The following TNRC18 variants were observed in gnomAD, a reference collection of about 807,000 sequenced individuals.
TNRC18 encodes the protein trinucleotide repeat containing 18.
A neutral mutation model predicts 226.7 loss-of-function variants in TNRC18; 69 were observed. The ratio of observed to expected loss-of-function variants is 0.30; its 90% confidence interval spans 0.25 to 0.37. TNRC18 has a LOEUF of 0.37. TNRC18 is among the 10% of genes least tolerant of loss of function. The probability of loss-of-function intolerance (pLI) is 1.00; values close to 1 mark genes in which losing one functional copy is unlikely to be tolerated. For missense variants in TNRC18, 4,754 were observed against 4,256.6 expected, an observed-to-expected ratio of 1.12 and a Z score of -3.25; for synonymous variants, 2,449 against 1,927.6, an observed-to-expected ratio of 1.27 and a Z score of -7.09.
rs1429147397 is a variant in TNRC18 at position 5,361,470 on chromosome 7, C to A, written c.4661+124G>T. ...CCGTGCTCCCCGAGGGCCACTGCTG[C>A]GGGTAGGTCAGAGCCCGAGGGACGC... On this transcript the variant is annotated intron_variant, in intron 14 of 29. Transcript: ENST00000430969. 5 of 1,210,904 alleles carry A rather than the reference C, an allele frequency of 4.1e-6. No individual in the cohort carries two copies. In the South Asian group the frequency reaches 6.7e-5, roughly 16 times the overall value. The allele number at this position is 1,210,904 out of a possible 1,614,324, so 75.0% of individuals were successfully genotyped here.
Position 5,388,822 on chromosome 7 carries a change from C to A in TNRC18, c.1002G>T (p.Pro334=). Residue 334 remains proline (P), a synonymous_variant, in exon 5 of 30, where the codon CCG becomes CCT. Coordinates refer to ENST00000430969, the MANE Select transcript of TNRC18 (RefSeq NM_001080495.3). ...LLPGPRPCPS[P]LPPPPAPPKG... is the part of the protein sequence containing the mutation. ...TGGGGGGCGCGGGCGGCGGGGGCAG[C>A]GGTGAGGGGCAGGGGCGCGGCCCAG... 1 of 1,186,432 alleles carries A rather than the reference C, an allele frequency of 8.4e-7. No homozygotes were observed. Among genetic ancestry groups the A allele is most frequent in the Non-Finnish European group, 1.0e-6 (1 of 957,906 alleles). The allele number at this position is 1,186,432 out of a possible 1,614,324, so 73.5% of individuals were successfully genotyped here.
Position 5,371,285 on chromosome 7 carries a change from G to A in TNRC18, c.3309C>T (p.Ala1103=), listed in dbSNP as rs10215902. ...GGGCCAAGCCGTCCGCGTCGGCGGCGGCCGTGGGCTGCAGCAGGAAAGGGT... is the reference window on the plus strand; with the variant it reads ...GGGCCAAGCCGTCCGCGTCGGCGGCAGCCGTGGGCTGCAGCAGGAAAGGGT... ...RPYPFLLQPT[A]AADADGLAPD... is the part of the protein sequence containing the mutation. Residue 1103 remains alanine (A), a synonymous_variant, in exon 11 of 30, where the codon GCC becomes GCT. Transcript: ENST00000430969. 4.6e-5 allele frequency: 73 copies of A among 1,578,944 alleles called. No homozygotes were observed. The highest frequency in any genetic ancestry group is 9.0e-5 in the East Asian group (4 of 44,394).
intron 18 of TNRC18, among the ~76,000 whole-genome samples, chr7:5,342,480 T>G (rs1790785442): frequency 6.6e-6 from 1 of 150,400 alleles, no homozygotes; most frequent in South Asian, 2.1e-4. Context: ...CGCGGACAAC[T>G]ATGAAAGGCT....
intron 2 of TNRC18, among the ~76,000 whole-genome samples, chr7:5,419,368 G>A (rs186724111): frequency 6.6e-6 from 1 of 152,200 alleles, no homozygotes; most frequent in Non-Finnish European, 1.5e-5. Context: ...CGCAGGCCCA[G>A]CCAGCCAGAG....
At chr7:5,398,121 C>T (rs980677279) in intron 2 of TNRC18, among the ~76,000 whole-genome samples, 4 of 152,048 alleles carry the variant, frequency 2.6e-5, no homozygotes, top group African/African-American at 9.7e-5. Context: ...CAGCCTCAGC[C>T]TCTTGGGTAG....
At chr7:5,330,158 C>A (rs1455000853) in intron 19 of TNRC18, among the ~76,000 whole-genome samples, 1 of 152,158 alleles carries the variant, frequency 6.6e-6, no homozygotes, top group Non-Finnish European at 1.5e-5. Context: ...TCTTGAACTC[C>A]TGACCTCAGG....
In TNRC18 at chr7:5,312,749, GGCCGAGGGCCGC is replaced by G. The variant is rs1787357876; in HGVS notation, c.8130_8141del (p.Arg2711_Ala2714del). 6.5e-7 allele frequency: 1 copy of G among 1,536,940 alleles called. No homozygotes were observed. Among genetic ancestry groups the G allele is most frequent in the Non-Finnish European group, 8.7e-7 (1 of 1,147,812 alleles). ...CGGGCGTCTTCTTGCCTGGGGAGTG[GGCCGAGGGCCGC>G]GCCTTGCCGGCCTGCTTGGTGGCCT... On this transcript the variant is annotated inframe_deletion, in exon 27 of 30. Coordinates refer to ENST00000430969, the MANE Select transcript of TNRC18 (RefSeq NM_001080495.3). The surrounding 1 kb of genome is among the most constrained non-coding windows in gnomAD (Gnocchi z 6.3).
chr7:5,362,134 T>G (rs1365894803), intron 12 of TNRC18, 101 bp from the exon 13 acceptor site: 1 of 1,433,172 alleles, frequency 7.0e-7, no homozygotes, highest in East Asian at 2.3e-5. Context: ...GAGACTGCAC[T>G]GGGAGCTGGG....
intron 18 of TNRC18, among the ~76,000 whole-genome samples, chr7:5,344,287 G>A (rs181999206): frequency 1.8e-3 from 279 of 152,280 alleles, no homozygotes; most frequent in African/African-American, 5.8e-3. Context: ...AGAGGGCAGC[G>A]GGAAGCCATT....
At position 5,390,632 on chromosome 7, in the gene TNRC18, T is replaced by C. The variant is rs752293689; in HGVS notation, c.344-4A>G. Reference sequence around the variant, plus strand: ...CCACTGGGCAGGTGGGAGAAGCCTGTAACAGAAAAGAGAAAAGCTGGGCTG... The same window carrying C: ...CCACTGGGCAGGTGGGAGAAGCCTGCAACAGAAAAGAGAAAAGCTGGGCTG... On this transcript the variant is annotated splice_region_variant and splice_polypyrimidine_tract_variant and intron_variant, in intron 3 of 29. Transcript: ENST00000430969. The C allele has an allele frequency of 7.1e-6, 11 of 1,545,718 alleles. No homozygotes were observed. The highest frequency in any genetic ancestry group is 1.8e-4 in the Middle Eastern group (1 of 5,508).
Position 5,388,083 on chromosome 7 carries a change from C to G in TNRC18, c.1741G>C (p.Glu581Gln). 2.6e-6 allele frequency: 4 copies of G among 1,555,006 alleles called. No individual in the cohort carries two copies. The South Asian group carries it at 3.5e-5, about 14-fold the overall frequency. ...ATAAGGCTCTGCATGGCCGAGGCCT[C>G]TCCAGACCCGTGGGCCGCAGAGTGC... is the stretch of plus-strand genomic sequence containing the variant. ...DMHSAAHGSG[E>Q]ASAMQSLIKY... The change falls in exon 5 of 30, where the codon GAG becomes CAG. Residue 581 changes from glutamate to glutamine, a missense_variant. Glu to Gln is a conservative substitution (Grantham distance 29). Transcript: ENST00000430969.
intron 18 of TNRC18, 46 bp downstream of exon 18, chr7:5,345,516 C>CGG: frequency 5.6e-6 from 2 of 354,368 alleles, no homozygotes; most frequent in Non-Finnish European, 5.2e-6. Context: ...CAATGGCGTC[C>CGG]GCCCCTCCCA....
rs779504393 is a variant in TNRC18 at position 5,421,193 on chromosome 7, C to G, written c.54G>C (p.Pro18=). The change falls in exon 2 of 30, where the codon CCG becomes CCC. Residue 18 remains proline (P), a synonymous_variant. Transcript: ENST00000430969. Reference sequence around the variant, plus strand: ...TGTCCATGGCCAGGCCGGACAGCAGCGGCGGCGGGGGACCGTGCACGGACC... The same window carrying G: ...TGTCCATGGCCAGGCCGGACAGCAGGGGCGGCGGGGGACCGTGCACGGACC... The part of the protein sequence containing the change: ...PQRSVHGPPP[P]LLSGLAMDSH... 1.5e-6 allele frequency: 2 copies of G among 1,378,244 alleles called. No homozygotes were observed. Among genetic ancestry groups the G allele is most frequent in the Non-Finnish European group, 1.9e-6 (2 of 1,063,132 alleles). The allele number at this position is 1,378,244 out of a possible 1,614,324, so 85.4% of individuals were successfully genotyped here. A position where few individuals can be genotyped will look rare whatever the true frequency, so the allele number is the denominator to read the frequency against.
Position 5,322,283 on chromosome 7 carries a change from A to AATAATCATC in TNRC18, c.6443-1094_6443-1093insGATGATTAT, listed in dbSNP as rs146792528. Among the ~76,000 whole-genome samples the AATAATCATC allele has an allele frequency of 7.1e-3, 1,062 of 149,494 alleles. 11 individuals carry two copies. Among genetic ancestry groups the AATAATCATC allele is most frequent in the African/African-American group, 0.024 (997 of 40,702 alleles). ...ACAGAGAGTCAGATTCCGTCTCAATAATCATCATCATCATCATCATCATCA... is the reference window on the plus strand; with the variant it reads ...ACAGAGAGTCAGATTCCGTCTCAATAATAATCATCATCATCATCATCATCATCATCATCA... On this transcript the variant is annotated intron_variant, in intron 21 of 29. Transcript: ENST00000430969.
chr7:5,360,567 G>A (rs1203942952), intron 14 of TNRC18, among the ~76,000 whole-genome samples: 2 of 152,050 alleles, frequency 1.3e-5, no homozygotes, highest in African/African-American at 2.4e-5. Flanking sequence ...AAACAGGCTC[G>A]GAAAAGCTAA....
intron 19 of TNRC18, among the ~76,000 whole-genome samples, chr7:5,328,039 T>C (rs1470643822): frequency 1.3e-5 from 2 of 151,392 alleles, no homozygotes; most frequent in South Asian, 4.2e-4. Context: ...CCAGCCAACA[T>C]GGTGAAACCC....
intron 18 of TNRC18, among the ~76,000 whole-genome samples, chr7:5,334,577 G>A (rs891330480): frequency 6.6e-6 from 1 of 151,972 alleles, no homozygotes; most frequent in African/African-American, 2.4e-5. Flanking sequence ...GATTACAGGT[G>A]TGATCATTAA....
intron 5 of TNRC18, among the ~76,000 whole-genome samples, chr7:5,381,692 G>A (rs1779408754): frequency 6.6e-6 from 1 of 152,192 alleles, no homozygotes; most frequent in Admixed American, 6.5e-5. Context: ...CAGGTCGGGT[G>A]CAGTGACTCA....
intron 19 of TNRC18, among the ~76,000 whole-genome samples, chr7:5,330,953 G>A (rs1789466981): frequency 6.6e-6 from 1 of 152,186 alleles, no homozygotes; most frequent in Admixed American, 6.6e-5. Context: ...GGGATTACAG[G>A]TGTGTGCCAC....
Sources: allele counts gnomAD v4.1 joint callset (sites outside exome capture counted in the v4.1 genomes callset), GRCh38; gene constraint gnomAD v4.1.1; non-coding constraint Gnocchi (gnomAD v3.1); transcripts MANE v1.5; gene names NCBI Gene and HGNC (gene_info 2026-07-23, HGNC 2026-07-21).